DPP10: variants seen among roughly 807,000 people sequenced by gnomAD.
The protein encoded by DPP10 is inactive dipeptidyl peptidase 10.
Under a neutral mutation model 120.9 loss-of-function variants are expected in DPP10, and 33 were observed. The observed-to-expected ratio is 0.27, with a 90% confidence interval of 0.21 to 0.37. DPP10 has a LOEUF of 0.37. Ranked by LOEUF, DPP10 falls within the 10% of genes least tolerant of loss-of-function variation. The pLI is 1.00. For missense variants in DPP10, 816 were observed against 942.8 expected, an observed-to-expected ratio of 0.87 and a Z score of 1.76; for synonymous variants, 337 against 326.1, an observed-to-expected ratio of 1.03 and a Z score of -0.36.
chr2:114,687,231 G>A (rs1699430912), intron 1 of DPP10, among the ~76,000 whole-genome samples: 1 of 151,856 alleles, frequency 6.6e-6, no homozygotes, highest in Non-Finnish European at 1.5e-5. Flanking sequence ...TGACCTTTAT[G>A]GTACTTCTTC....
chr2:114,807,998 C>T (rs180995236), intron 1 of DPP10, among the ~76,000 whole-genome samples: 19 of 152,302 alleles, frequency 1.2e-4, no homozygotes, highest in African/African-American at 2.9e-4. Context: ...TTCCTTAAAG[C>T]GTGGTGGTGT....
chr2:115,819,819 C>A (rs766429338), intron 21 of DPP10, among the ~76,000 whole-genome samples: 1 of 151,938 alleles, frequency 6.6e-6, no homozygotes, highest in Admixed American at 6.6e-5. Context: ...CATGGAGAAA[C>A]CCCTGTCTCT....
At chr2:115,774,288 G>C (rs910259493) in intron 13 of DPP10, among the ~76,000 whole-genome samples, 2 of 151,626 alleles carry the variant, frequency 1.3e-5, no homozygotes, top group Admixed American at 1.3e-4. Context: ...AGAAATCTGT[G>C]GGCCAAAAGT....
intron 5 of DPP10, among the ~76,000 whole-genome samples, chr2:115,684,061 A>ATATC (rs1240360534): frequency 6.6e-6 from 1 of 151,984 alleles, no homozygotes; most frequent in Non-Finnish European, 1.5e-5. Context: ...AGGATAGATA[A>ATATC]TATCCTTTTA....
At chr2:115,158,186 T>C (rs554387463) in intron 1 of DPP10, among the ~76,000 whole-genome samples, 23 of 152,334 alleles carry the variant, frequency 1.5e-4, no homozygotes, top group African/African-American at 5.5e-4. Flanking sequence ...ACTGCATAGA[T>C]GACCTATGTA....
At chr2:114,560,313 C>T (rs1688665794) in intron 1 of DPP10, among the ~76,000 whole-genome samples, 1 of 152,062 alleles carries the variant, frequency 6.6e-6, no homozygotes. Flanking sequence ...TTTCTTACCA[C>T]TATAATTTTT....
intron 1 of DPP10, among the ~76,000 whole-genome samples, chr2:115,238,212 C>T (rs772401037): frequency 6.6e-6 from 1 of 152,304 alleles, no homozygotes; most frequent in South Asian, 2.1e-4. Flanking sequence ...CCCTAAGGAC[C>T]TTAAGAGTTA....
chr2:114,509,960 TTTC>T (rs763363322), intron 1 of DPP10, among the ~76,000 whole-genome samples: 1 of 152,226 alleles, frequency 6.6e-6, no homozygotes, highest in East Asian at 1.9e-4. Flanking sequence ...ACTATTTCTG[TTTC>T]TTCTTATGAG....
intron 1 of DPP10, among the ~76,000 whole-genome samples, chr2:115,106,118 T>G (rs1256825797): frequency 6.6e-6 from 1 of 152,246 alleles, no homozygotes; most frequent in Non-Finnish European, 1.5e-5. Flanking sequence ...TGGCCTACTG[T>G]ACTTTTGCAA....
At chr2:114,499,107 C>A (rs983628039) in intron 1 of DPP10, among the ~76,000 whole-genome samples, 2 of 152,162 alleles carry the variant, frequency 1.3e-5, no homozygotes, top group African/African-American at 4.8e-5. Flanking sequence ...CTGACGCGTC[C>A]ATGGTGGCAG....
chr2:115,556,670 T>G lies in DPP10; in HGVS notation c.441+30698T>G, dbSNP rs192769979. Among the ~76,000 whole-genome samples the G allele has an allele frequency of 6.1e-3, 934 of 152,266 alleles. 7 individuals carry two copies. The highest frequency in any genetic ancestry group is 6.7e-3 in the Non-Finnish European group (453 of 68,006). On this transcript the variant is annotated intron_variant, in intron 5 of 25. Coordinates refer to ENST00000410059, the MANE Select transcript of DPP10 (RefSeq NM_020868.6). ...TTCTATGCATTACACACTCTCATAC[T>G]GTCTTAACCAATAACTATTTCTATA...
At chr2:114,796,693 G>A (rs1478698286) in intron 1 of DPP10, among the ~76,000 whole-genome samples, 3 of 152,106 alleles carry the variant, frequency 2.0e-5, no homozygotes, top group Non-Finnish European at 2.9e-5. Flanking sequence ...TACCCCAATA[G>A]GAGCATTTTG....
chr2:114,962,343 T>C (rs1020372186), intron 1 of DPP10, among the ~76,000 whole-genome samples: 2 of 152,184 alleles, frequency 1.3e-5, no homozygotes, highest in African/African-American at 2.4e-5. Context: ...ATCCAACATA[T>C]GTTTCCAAAT....
Position 115,841,394 on chromosome 2 carries a change from A to G in DPP10, c.2256+571A>G, listed in dbSNP as rs564463995. 9.0e-4 allele frequency among the ~76,000 whole-genome samples: 137 copies of G among 152,286 alleles called. 1 individual carries two copies. The highest frequency in any genetic ancestry group is 3.0e-3 in the African/African-American group (125 of 41,568). On this transcript the variant is annotated intron_variant, in intron 25 of 25. Coordinates refer to ENST00000410059, the MANE Select transcript of DPP10 (RefSeq NM_020868.6). ...GACATTACAGTGGTCACTCTGCTCT[A>G]TGAGTAACAAGACATACATTACACT...
intron 5 of DPP10, among the ~76,000 whole-genome samples, chr2:115,532,509 G>A (rs1376025091): frequency 6.6e-6 from 1 of 151,896 alleles, no homozygotes; most frequent in Non-Finnish European, 1.5e-5. Flanking sequence ...ACTACAATAT[G>A]TATTTAATAA....
intron 2 of DPP10, among the ~76,000 whole-genome samples, chr2:115,321,224 C>G (rs973314811): frequency 3.9e-5 from 6 of 152,112 alleles, no homozygotes; most frequent in African/African-American, 1.4e-4. Context: ...TCACTTGAAC[C>G]CAGGAGGCAG....
chr2:114,940,643 A>G (rs76208361), intron 1 of DPP10, among the ~76,000 whole-genome samples: 8,700 of 152,168 alleles, frequency 0.057, 312 homozygotes, highest in East Asian at 0.12. Flanking sequence ...ACCCCAGATC[A>G]AGATATGAAA....
At chr2:115,436,509 G>T (rs1288189415) in intron 3 of DPP10, among the ~76,000 whole-genome samples, 2 of 151,652 alleles carry the variant, frequency 1.3e-5, no homozygotes, top group African/African-American at 4.8e-5. Flanking sequence ...TAGGGTATAG[G>T]TCTCACTTAG....
intron 1 of DPP10, among the ~76,000 whole-genome samples, chr2:115,307,543 G>T (rs866628497): frequency 2.6e-5 from 4 of 152,034 alleles, no homozygotes; most frequent in South Asian, 4.1e-4. Context: ...ATTCGCTGTT[G>T]GTTACTGCCC....
Sources: allele counts gnomAD v4.1 joint callset (sites outside exome capture counted in the v4.1 genomes callset), GRCh38; gene constraint gnomAD v4.1.1; transcripts MANE v1.5; gene names NCBI Gene and HGNC (gene_info 2026-07-23, HGNC 2026-07-21).